BACH2: variants seen among roughly 807,000 people sequenced by gnomAD.
BACH2 encodes the protein transcription regulator protein BACH2.
In BACH2, 5 loss-of-function variants were observed where a neutral mutation model predicts 61.8. The ratio of observed to expected loss-of-function variants is 0.08; its 90% CI spans 0.04 to 0.17. The LOEUF is 0.17. Ranked by LOEUF, BACH2 falls within the 10% of genes least tolerant of loss-of-function variation. The probability of loss-of-function intolerance (pLI) is 1.00; values close to 1 mark genes in which losing one functional copy is unlikely to be tolerated. For synonymous variants in BACH2, 446 were observed against 440.1 expected (o/e 1.01, Z -0.17); for missense variants, 824 against 1,091.1 (o/e 0.76, Z 3.45).
chr6:90,112,576 C>A (rs1480525800), intron 4 of BACH2, among the ~76,000 whole-genome samples: 1 of 152,146 alleles, frequency 6.6e-6, no homozygotes, highest in Non-Finnish European at 1.5e-5. Context: ...TATCACCAGA[C>A]CTGCCTTACA....
At chr6:90,117,811 T>C (rs1783465289) in intron 4 of BACH2, among the ~76,000 whole-genome samples, 1 of 152,208 alleles carries the variant, frequency 6.6e-6, no homozygotes. Context: ...GCATTCTTGT[T>C]TAGCTTTTAC....
At chr6:90,019,231 C>A (rs1778248783) in intron 5 of BACH2, among the ~76,000 whole-genome samples, 1 of 152,128 alleles carries the variant, frequency 6.6e-6, no homozygotes, top group Non-Finnish European at 1.5e-5. Flanking sequence ...TTATAAGGGA[C>A]ATCTCATTTT....
At chr6:89,966,520 C>T (rs74976949) in intron 6 of BACH2, among the ~76,000 whole-genome samples, 1,893 of 152,286 alleles carry the variant, frequency 0.012, 50 homozygotes, top group African/African-American at 0.043. Context: ...TTTAGGGATG[C>T]AGAAATTGTT....
At position 89,927,391 on chromosome 6, in the gene BACH2, C is replaced by T. The variant is rs1187245128; in HGVS notation, c.*5017G>A. On this transcript the variant is annotated 3_prime_UTR_variant, in exon 9 of 9. Transcript: ENST00000257749. ...CTGAGCATCCATCTGTAGGAAAACC[C>T]CTCTTTGTCCAAGTCCCTTCACTCT... is the stretch of plus-strand genomic sequence containing the variant. The T allele has an allele frequency of 6.5e-6, 1 of 152,794 alleles. No individual in the cohort carries two copies. The highest frequency in any genetic ancestry group is 6.5e-5 in the Admixed American group (1 of 15,284). 9.5% of individuals were successfully genotyped at this position (152,794 alleles called of 1,614,324 possible).
intron 5 of BACH2, among the ~76,000 whole-genome samples, chr6:90,085,449 CTGG>C: frequency 6.6e-6 from 1 of 152,184 alleles, no homozygotes; most frequent in African/African-American, 2.4e-5. Flanking sequence ...TCTGGAGGAA[CTGG>C]AGCAGCCCCA....
intron 7 of BACH2, among the ~76,000 whole-genome samples, chr6:89,940,158 C>A (rs1773336889): frequency 6.6e-6 from 1 of 152,012 alleles, no homozygotes; most frequent in African/African-American, 2.4e-5. Flanking sequence ...TGCAGGTGTG[C>A]ACCACCATGC....
chr6:90,041,559 T>C (rs912962445), intron 5 of BACH2, among the ~76,000 whole-genome samples: 1 of 152,156 alleles, frequency 6.6e-6, no homozygotes, highest in Non-Finnish European at 1.5e-5. Context: ...TGTTTGCTAA[T>C]ATTTTATTTA....
intron 7 of BACH2, among the ~76,000 whole-genome samples, chr6:89,942,076 GA>G (rs1773466867): frequency 1.3e-5 from 2 of 151,802 alleles, no homozygotes; most frequent in African/African-American, 2.4e-5. Flanking sequence ...TCTCCCAGGT[GA>G]AAAAAACCCC....
intron 6 of BACH2, among the ~76,000 whole-genome samples, chr6:89,992,411 C>T (rs1024153478): frequency 1.3e-5 from 2 of 152,122 alleles, no homozygotes; most frequent in Non-Finnish European, 2.9e-5. Flanking sequence ...GAGGCCAAGG[C>T]GGGTGGATCC....
chr6:90,056,490 C>A (rs988853043), intron 5 of BACH2, among the ~76,000 whole-genome samples: 1 of 152,102 alleles, frequency 6.6e-6, no homozygotes, highest in Non-Finnish European at 1.5e-5. Context: ...GAGTGACCTA[C>A]AAAGAGACTT....
chr6:90,153,256 A>C (rs919425199), intron 4 of BACH2, among the ~76,000 whole-genome samples: 14 of 152,190 alleles, frequency 9.2e-5, no homozygotes, highest in African/African-American at 3.1e-4. Flanking sequence ...CAAGATCATG[A>C]ATCACACGCC....
intron 2 of BACH2, among the ~76,000 whole-genome samples, chr6:90,255,988 G>T (rs903491351): frequency 6.6e-6 from 1 of 152,142 alleles, no homozygotes; most frequent in Non-Finnish European, 1.5e-5. Context: ...TTTTCCAACG[G>T]AGACTTGCCC....
At chr6:90,158,930 A>T (rs1175958497) in intron 4 of BACH2, among the ~76,000 whole-genome samples, 1 of 152,228 alleles carries the variant, frequency 6.6e-6, no homozygotes, top group Non-Finnish European at 1.5e-5. Flanking sequence ...ATTTCTTAGC[A>T]CTAATAAACT....
intron 1 of BACH2, among the ~76,000 whole-genome samples, chr6:90,295,652 A>AGG (rs1299026459): frequency 6.6e-4 from 83 of 124,946 alleles, no homozygotes; most frequent in Admixed American, 3.2e-3. Context: ...ACTGGAGTGT[A>AGG]GGGTGTGTGT....
chr6:90,241,809 A>C (rs964766812), intron 3 of BACH2, among the ~76,000 whole-genome samples: 1 of 152,116 alleles, frequency 6.6e-6, no homozygotes, highest in Non-Finnish European at 1.5e-5. Flanking sequence ...AATGAAAAAA[A>C]AATTAAAAAA....
chr6:90,029,155 C>A (rs1373479737), intron 5 of BACH2, among the ~76,000 whole-genome samples: 1 of 152,172 alleles, frequency 6.6e-6, no homozygotes, highest in Non-Finnish European at 1.5e-5. Flanking sequence ...AACAATAGTT[C>A]TCTAACTGCA....
At chr6:89,967,568 C>T (rs533919354) in intron 6 of BACH2, among the ~76,000 whole-genome samples, 11 of 152,248 alleles carry the variant, frequency 7.2e-5, no homozygotes, top group African/African-American at 2.4e-4. Flanking sequence ...ATTCATAGAG[C>T]TCATCCACAG....
intron 1 of BACH2, among the ~76,000 whole-genome samples, chr6:90,289,949 T>A (rs1772130488): frequency 6.6e-6 from 1 of 152,248 alleles, no homozygotes; most frequent in African/African-American, 2.4e-5. Flanking sequence ...AAAATAAGAA[T>A]GTTAACTTGT....
intron 4 of BACH2, among the ~76,000 whole-genome samples, chr6:90,166,534 A>C (rs1449937364): frequency 1.3e-5 from 2 of 152,334 alleles, no homozygotes; most frequent in East Asian, 3.9e-4. Context: ...ATACCATTTG[A>C]CCCAGCAATC....
Sources: gnomAD v4.1 joint callset for allele counts (sites outside exome capture counted in the v4.1 genomes callset) on GRCh38, gnomAD v4.1.1 for gene constraint, MANE v1.5 for transcripts, NCBI Gene and HGNC (gene_info 2026-07-23, HGNC 2026-07-21) for gene names.